The following PPM1E variants were observed in gnomAD, a reference collection of about 807,000 sequenced individuals.
The protein encoded by PPM1E is protein phosphatase, Mg2+/Mn2+ dependent 1E, also known as protein phosphatase 1E.
Under a neutral mutation model 65.9 loss-of-function variants are expected in PPM1E, and 20 were observed. The observed-to-expected ratio is 0.30, with a 90% confidence interval of 0.21 to 0.44. The LOEUF is 0.44. PPM1E is among the 20% of genes least tolerant of loss of function. The pLI, the probability that PPM1E is intolerant of heterozygous loss-of-function variation, is 1.00. For missense variants in PPM1E, 713 were observed against 953.1 expected (o/e 0.75, Z 3.32); for synonymous variants, 352 against 374.9 (o/e 0.94, Z 0.70).
At chr17:58,790,894 A>ATT (rs112986455) in intron 1 of PPM1E, among the ~76,000 whole-genome samples, 104 of 147,954 alleles carry the variant, frequency 7.0e-4, no homozygotes, top group African/African-American at 1.2e-3. Flanking sequence ...GAGATAATAA[A>ATT]TTTTTTTTTT....
chr17:58,971,060 A>G (rs544962877), intron 4 of PPM1E, among the ~76,000 whole-genome samples: 1 of 151,952 alleles, frequency 6.6e-6, no homozygotes, highest in East Asian at 1.9e-4. Flanking sequence ...GTTCTGAATA[A>G]TTTAGGTTTG....
rs1257063126 is a variant in PPM1E, at chr17:58,984,471, T to C, written c.*3440T>C. ...TTATTGTTTTAATTTTTAAACCTAA[T>C]TTATTCACTCAGTGAACATTCTTAC... On this transcript the variant is annotated 3_prime_UTR_variant, in exon 7 of 7. Coordinates refer to ENST00000308249, the MANE Select transcript of PPM1E (RefSeq NM_014906.5). The C allele has an allele frequency of 1.3e-5, 2 of 152,688 alleles. No individual in the cohort carries two copies. Among genetic ancestry groups the C allele is most frequent in the Admixed American group, 6.5e-5 (1 of 15,286 alleles). 9.5% of individuals were successfully genotyped at this position (152,688 alleles called of 1,614,324 possible).
chr17:58,970,049 C>T (rs188032217), intron 4 of PPM1E, among the ~76,000 whole-genome samples: 15 of 152,294 alleles, frequency 9.8e-5, no homozygotes, highest in African/African-American at 3.4e-4. Context: ...GACCATCTCT[C>T]TAAGCAGACT....
intron 3 of PPM1E, among the ~76,000 whole-genome samples, chr17:58,968,931 G>A (rs1168202003): frequency 6.6e-6 from 1 of 152,164 alleles, no homozygotes; most frequent in Non-Finnish European, 1.5e-5. Flanking sequence ...GTTCAAGTTT[G>A]GTAAACTAGT....
chr17:58,923,716 C>T (rs1367812426), intron 1 of PPM1E, among the ~76,000 whole-genome samples: 2 of 146,518 alleles, frequency 1.4e-5, no homozygotes, highest in African/African-American at 5.1e-5. Context: ...TACTGCACTC[C>T]AGCCTGGGTG....
intron 1 of PPM1E, among the ~76,000 whole-genome samples, chr17:58,884,664 C>T (rs1196762682): frequency 6.6e-6 from 1 of 152,080 alleles, no homozygotes; most frequent in Non-Finnish European, 1.5e-5. Flanking sequence ...GTTATAGCAC[C>T]AGACTGCTTG....
At chr17:58,897,611 T>C (rs2051438971) in intron 1 of PPM1E, among the ~76,000 whole-genome samples, 1 of 152,160 alleles carries the variant, frequency 6.6e-6, no homozygotes, top group Non-Finnish European at 1.5e-5. Flanking sequence ...TTTTATAAGG[T>C]ATATTTGCCT....
intron 1 of PPM1E, among the ~76,000 whole-genome samples, chr17:58,822,762 C>A (rs2050493631): frequency 6.6e-6 from 1 of 152,030 alleles, no homozygotes; most frequent in African/African-American, 2.4e-5. Context: ...TGGGGAAATT[C>A]TAATTACAAC....
chr17:58,800,877 C>A (rs1227665030), intron 1 of PPM1E, among the ~76,000 whole-genome samples: 1 of 152,022 alleles, frequency 6.6e-6, no homozygotes. Context: ...TTTCAAAGAA[C>A]CAACTTTTGG....
chr17:58,783,448 T>A (rs145642131), intron 1 of PPM1E, among the ~76,000 whole-genome samples: 1 of 152,324 alleles, frequency 6.6e-6, no homozygotes, highest in African/African-American at 2.4e-5. Flanking sequence ...ATTTAATTAC[T>A]GTAGTTTTTT....
intron 1 of PPM1E, among the ~76,000 whole-genome samples, chr17:58,916,861 GTAT>G (rs2051689130): frequency 1.3e-5 from 2 of 152,216 alleles, no homozygotes; most frequent in East Asian, 3.9e-4. Context: ...CAAATATGTG[GTAT>G]TATTATATAA....
Position 58,981,213 on chromosome 17 carries a change from A to C in PPM1E, c.*182A>C, listed in dbSNP as rs1174173577. On this transcript the variant is annotated 3_prime_UTR_variant, in exon 7 of 7. Transcript: ENST00000308249. ...CAGTGTTTTCAATCTAAAAAGAAGT[A>C]TTGGCAGTTTCACTTGCAAAATTAC... is the stretch of plus-strand genomic sequence containing the variant. The C allele has an allele frequency of 3.6e-6, 2 of 558,780 alleles. No homozygotes were observed. Among genetic ancestry groups the C allele is most frequent in the African/African-American group, 1.9e-5 (1 of 52,222 alleles). 34.6% of individuals were successfully genotyped at this position (558,780 alleles called of 1,614,324 possible).
At chr17:58,773,978 A>G (rs889153369) in intron 1 of PPM1E, among the ~76,000 whole-genome samples, 20 of 152,134 alleles carry the variant, frequency 1.3e-4, no homozygotes, top group African/African-American at 4.8e-4. Context: ...TCTGGCCAAC[A>G]TGGTGAAACC....
intron 1 of PPM1E, among the ~76,000 whole-genome samples, chr17:58,895,922 G>A (rs1185324479): frequency 2.7e-5 from 4 of 150,020 alleles, no homozygotes; most frequent in South Asian, 2.1e-4. Flanking sequence ...TAGCTAACAC[G>A]GTTAAACCCC....
At chr17:58,935,592 G>T (rs935218557) in intron 1 of PPM1E, among the ~76,000 whole-genome samples, 1 of 152,146 alleles carries the variant, frequency 6.6e-6, no homozygotes, top group Non-Finnish European at 1.5e-5. Context: ...TTCTCGTCAT[G>T]GAGAAAGGAT....
intron 1 of PPM1E, among the ~76,000 whole-genome samples, chr17:58,847,044 G>A: frequency 6.6e-6 from 1 of 152,096 alleles, no homozygotes. Context: ...TTTTTCATGT[G>A]TCTTTTGGCT....
chr17:58,859,681 G>C (rs771340518), intron 1 of PPM1E, among the ~76,000 whole-genome samples: 16 of 152,204 alleles, frequency 1.1e-4, no homozygotes, highest in Non-Finnish European at 1.9e-4. Flanking sequence ...AGTCTTTTCA[G>C]TTGTGTGTTG....
At chr17:58,902,751 A>G (rs2051512471) in intron 1 of PPM1E, among the ~76,000 whole-genome samples, 1 of 152,212 alleles carries the variant, frequency 6.6e-6, no homozygotes, top group Non-Finnish European at 1.5e-5. Context: ...AAATGCAGAC[A>G]TTTTAATCAT....
At chr17:58,948,596 C>T (rs114879009) in intron 1 of PPM1E, among the ~76,000 whole-genome samples, 1 of 152,114 alleles carries the variant, frequency 6.6e-6, no homozygotes, top group Non-Finnish European at 1.5e-5. Flanking sequence ...AACGCTGGAG[C>T]CTTATGGTCA....
Sources: gnomAD v4.1 joint callset for allele counts (sites outside exome capture counted in the v4.1 genomes callset) on GRCh38, gnomAD v4.1.1 for gene constraint, MANE v1.5 for transcripts, NCBI Gene and HGNC (gene_info 2026-07-23, HGNC 2026-07-21) for gene names.